Variants in ADAMTS10 observed in about 807,000 individuals in gnomAD.
The protein encoded by ADAMTS10 is ADAM metallopeptidase with thrombospondin type 1 motif 10.
In ADAMTS10, 48 loss-of-function variants were observed where a neutral mutation model predicts 135.9. The observed-to-expected ratio is 0.35, with a 90% confidence interval of 0.28 to 0.45. The LOEUF (loss-of-function observed/expected upper bound fraction) is 0.45, where lower values mean the gene tolerates loss of function less well. Among genes scored for constraint, ADAMTS10 ranks in the 20% least tolerant of loss-of-function variants. The pLI is 1.00. For missense variants in ADAMTS10, 1,131 were observed against 1,565.2 expected, an observed-to-expected ratio of 0.72 and a Z score of 4.68; for synonymous variants, 621 against 647.5, an observed-to-expected ratio of 0.96 and a Z score of 0.62.
chr19:8,580,848 G>T lies in ADAMTS10; in HGVS notation c.*45C>A. The T allele has an allele frequency of 1.3e-6, 2 of 1,491,698 alleles. No homozygotes were observed. Among genetic ancestry groups the T allele is most frequent in the Non-Finnish European group, 1.8e-6 (2 of 1,094,068 alleles). 92.4% of individuals were successfully genotyped at this position (1,491,698 alleles called of 1,614,324 possible). On this transcript the variant is annotated 3_prime_UTR_variant, in exon 26 of 26. Coordinates refer to ENST00000597188, the MANE Select transcript of ADAMTS10 (RefSeq NM_030957.4). Reference sequence around the variant, plus strand: ...CTCTGGCCGGCCCGCTGCAGGGCTGGCGGCGGAGACCCCGCCAGCTGTGGC... The same window carrying T: ...CTCTGGCCGGCCCGCTGCAGGGCTGTCGGCGGAGACCCCGCCAGCTGTGGC...
In ADAMTS10 at chr19:8,591,792, G is replaced by A; in HGVS notation, c.1797+8C>T. Reference sequence around the variant, plus strand: ...CCCCCACCCCTCAAGGGGTTTGGGGGAACTCACATCCGTGTTGCAGGAGCG... The same window carrying A: ...CCCCCACCCCTCAAGGGGTTTGGGGAAACTCACATCCGTGTTGCAGGAGCG... On this transcript the variant is annotated splice_region_variant and intron_variant, in intron 15 of 25. Transcript: ENST00000597188. 6.2e-7 allele frequency: 1 copy of A among 1,613,630 alleles called. No individual in the cohort carries two copies. Among genetic ancestry groups the A allele is most frequent in the Non-Finnish European group, 8.5e-7 (1 of 1,179,996 alleles).
At position 8,589,241 on chromosome 19, in the gene ADAMTS10, C is replaced by G; in HGVS notation, c.2158+1G>C. The G allele has an allele frequency of 6.2e-7, 1 of 1,612,668 alleles. No homozygotes were observed. Among genetic ancestry groups the G allele is most frequent in the Non-Finnish European group, 8.5e-7 (1 of 1,179,980 alleles). ...GTGGGAGGGAAGCTGGAGACTCTCA[C>G]CGGCCCCAGGTGAGGCTGGGCTGAA... On this transcript the variant is annotated splice_donor_variant, in intron 18 of 25. Coordinates refer to ENST00000597188, the MANE Select transcript of ADAMTS10 (RefSeq NM_030957.4). LOFTEE classifies it high-confidence loss of function.
intron 13 of ADAMTS10, among the ~76,000 whole-genome samples, 188 bp downstream of exon 13, chr19:8,592,575 C>G (rs1041519109): frequency 2.0e-5 from 3 of 149,436 alleles, no homozygotes; most frequent in African/African-American, 7.4e-5. Context: ...GACGCATAGA[C>G]GGTGGGCGTG....
intron 25 of ADAMTS10, 95 bp downstream of exon 25, chr19:8,584,800 C>T (rs2042400835): frequency 1.3e-6 from 2 of 1,497,712 alleles, no homozygotes; most frequent in Non-Finnish European, 1.8e-6. Flanking sequence ...TCCGAGGTTC[C>T]AGAAGTTCTA....
intron 25 of ADAMTS10, 140 bp downstream of exon 25, chr19:8,584,755 T>G: frequency 7.9e-7 from 1 of 1,260,484 alleles, no homozygotes. Flanking sequence ...GAGGGGATGG[T>G]GAAGGATGGC....
rs540823532 is a variant in ADAMTS10, at chr19:8,605,006, G to A, written c.435+6C>T. 3.8e-6 allele frequency: 6 copies of A among 1,595,642 alleles called. No individual in the cohort carries two copies. The African/African-American group carries it at 5.4e-5, about 14-fold the overall frequency. On this transcript the variant is annotated splice_donor_region_variant and intron_variant, in intron 4 of 25. Transcript: ENST00000597188. The surrounding 1 kb of genome is among the most constrained non-coding windows in gnomAD (Gnocchi z 7.7). ...TTCCCCCCGCGTTCCAGAATCCTCAGCTCACCAGGCCTCCACAGGTGCTGA... is the reference window on the plus strand; with the variant it reads ...TTCCCCCCGCGTTCCAGAATCCTCAACTCACCAGGCCTCCACAGGTGCTGA...
At chr19:8,588,196 C>T (rs909921629) in intron 18 of ADAMTS10, among the ~76,000 whole-genome samples, 1 of 151,858 alleles carries the variant, frequency 6.6e-6, no homozygotes, top group East Asian at 1.9e-4. Context: ...TGCAGTGAGC[C>T]GAGATCAAGC....
chr19:8,583,346 G>A (rs956407534), intron 25 of ADAMTS10, among the ~76,000 whole-genome samples: 11 of 151,684 alleles, frequency 7.3e-5, no homozygotes, highest in Non-Finnish European at 1.3e-4. Flanking sequence ...TTCGAGACCA[G>A]CCTGGCCAAT....
chr19:8,592,733 GC>G (rs782303010), intron 13 of ADAMTS10, 29 bp downstream of exon 13: 8 of 1,592,500 alleles, frequency 5.0e-6, no homozygotes, highest in Non-Finnish European at 6.0e-6. Flanking sequence ...AGGGGGCGTG[GC>G]CCAGTTGGGG....
In ADAMTS10 at chr19:8,596,264, C is replaced by T. The variant is rs782138789; in HGVS notation, c.1190+43G>A. 2.1e-5 allele frequency: 34 copies of T among 1,612,736 alleles called. No individual in the cohort carries two copies. The highest frequency in any genetic ancestry group is 2.5e-5 in the Non-Finnish European group (30 of 1,180,020). ...CTCTGCCGGGCGCTGAGGGACCCGC[C>T]CAGCTCCTCCCCTCCTCCCCCTCTT... On this transcript the variant is annotated intron_variant, in intron 10 of 25. Coordinates refer to ENST00000597188, the MANE Select transcript of ADAMTS10 (RefSeq NM_030957.4). The surrounding 1 kb of genome is among the most constrained non-coding windows in gnomAD (Gnocchi z 7.2).
Position 8,591,824 on chromosome 19 carries a change from C to T in ADAMTS10, c.1773G>A (p.Arg591=). ...IGGKYCLGER[R]RHRSCNTDDC... is the part of the protein sequence containing the mutation. ...CATCCGTGTTGCAGGAGCGGTGCCGCCTTCTCTCACCCAGACAGTACTTGC... is the reference window on the plus strand; with the variant it reads ...CATCCGTGTTGCAGGAGCGGTGCCGTCTTCTCTCACCCAGACAGTACTTGC... Residue 591 remains arginine (R), a synonymous_variant, in exon 15 of 26, where the codon AGG becomes AGA. Coordinates refer to ENST00000597188, the MANE Select transcript of ADAMTS10 (RefSeq NM_030957.4). 1 of 1,613,852 alleles carries T rather than the reference C, an allele frequency of 6.2e-7. No individual in the cohort carries two copies. The highest frequency in any genetic ancestry group is 2.2e-5 in the East Asian group (1 of 44,878).
At position 8,586,467 on chromosome 19, in the gene ADAMTS10, G is replaced by A. The variant is rs2146043233; in HGVS notation, c.2407C>T (p.Leu803=). Residue 803 remains leucine, a synonymous_variant, in exon 21 of 26, where the codon CTG becomes TTG. Coordinates refer to ENST00000597188, the MANE Select transcript of ADAMTS10 (RefSeq NM_030957.4). ...AGGGCAGGCAGCTCGGTCCGGGCCA[G>A]CACCTGGAGAAAGGGGGCGGCAGCC... ...PINASLIVMV[L]ARTELPALRY... is the part of the protein sequence containing the mutation. The A allele has an allele frequency of 6.2e-7, 1 of 1,613,654 alleles. No individual in the cohort carries two copies. Among genetic ancestry groups the A allele is most frequent in the Admixed American group, 1.7e-5 (1 of 60,016 alleles).
intron 12 of ADAMTS10, 183 bp from the exon 13 acceptor site, chr19:8,593,053 T>A (rs1191052089): frequency 1.5e-6 from 1 of 649,690 alleles, no homozygotes; most frequent in Admixed American, 2.2e-5. Context: ...CTGTGACTTA[T>A]ACTCTCCCAA....
At chr19:8,606,046 T>G (rs2042718718) in intron 2 of ADAMTS10, among the ~76,000 whole-genome samples, 1 of 152,180 alleles carries the variant, frequency 6.6e-6, no homozygotes, top group Non-Finnish European at 1.5e-5. Context: ...TGGCCCTAGT[T>G]TTCACACCAC....
Position 8,589,694 on chromosome 19 carries a change from G to A in ADAMTS10, c.1901-109C>T, listed in dbSNP as rs112967871. 2.3e-3 allele frequency: 3,612 copies of A among 1,538,616 alleles called. 6 individuals are homozygous for A. The highest frequency in any genetic ancestry group is 2.8e-3 in the Non-Finnish European group (3,218 of 1,138,294). ...GACAGACCCCAGACCCAAGAGGAAG[G>A]GCAGCTTGGGCAGAGGGAGTGGGGG... On this transcript the variant is annotated intron_variant, in intron 16 of 25. Transcript: ENST00000597188.
chr19:8,599,744 G>A (rs1395534707), intron 6 of ADAMTS10, among the ~76,000 whole-genome samples: 2 of 152,114 alleles, frequency 1.3e-5, no homozygotes, highest in Non-Finnish European at 2.9e-5. Flanking sequence ...TGAGTAGCTG[G>A]GACTACAGGC....
At chr19:8,592,596 G>A (rs572120356) in intron 13 of ADAMTS10, among the ~76,000 whole-genome samples, 167 bp downstream of exon 13, 13 of 151,578 alleles carry the variant, frequency 8.6e-5, no homozygotes, top group African/African-American at 3.1e-4. Context: ...GCCAACGCGG[G>A]AAGGAGCAAG....
Position 8,605,758 on chromosome 19 carries a change from C to T in ADAMTS10, c.-48G>A. The T allele has an allele frequency of 6.4e-7, 1 of 1,561,012 alleles. No individual in the cohort carries two copies. Among genetic ancestry groups the T allele is most frequent in the South Asian group, 1.2e-5 (1 of 85,930 alleles). On this transcript the variant is annotated 5_prime_UTR_variant, in exon 3 of 26. Transcript: ENST00000597188. This position sits in a 1 kb window ranked among gnomAD's most constrained non-coding sequence, Gnocchi z 7.7. ...TCTCCCCAGCCCCGGCTGCCGGCAG[C>T]CCCCACAGTGCCGCCTCCCCTGTTC...
chr19:8,605,451 C>CAGCA lies in ADAMTS10; in HGVS notation c.89-94_89-93insTGCT. The CAGCA allele has an allele frequency of 6.8e-7, 1 of 1,470,852 alleles. No homozygotes were observed. 91.1% of individuals were successfully genotyped at this position (1,470,852 alleles called of 1,614,324 possible). A position where few individuals can be genotyped will look rare whatever the true frequency, so the allele number is the denominator to read the frequency against. On this transcript the variant is annotated intron_variant, in intron 3 of 25. Coordinates refer to ENST00000597188, the MANE Select transcript of ADAMTS10 (RefSeq NM_030957.4). This position sits in a 1 kb window ranked among gnomAD's most constrained non-coding sequence, Gnocchi z 7.7. ...GGCTGCTGGAGCAAGTGATGCTGGC[C>CAGCA]TCACTGACCCCCGAAATCCAGGGAG...
Sources: allele counts gnomAD v4.1 joint callset (sites outside exome capture counted in the v4.1 genomes callset), GRCh38; gene constraint gnomAD v4.1.1; non-coding constraint Gnocchi (gnomAD v3.1); transcripts MANE v1.5; gene names NCBI Gene and HGNC (gene_info 2026-07-23, HGNC 2026-07-21).